Variants in KAZN observed in about 807,000 individuals in gnomAD.
KAZN encodes kazrin, periplakin interacting protein.
Under a neutral mutation model 87.4 loss-of-function variants are expected in KAZN, and 40 were observed. The observed-to-expected ratio is 0.46, with a 90% CI of 0.36 to 0.60. The LOEUF (loss-of-function observed/expected upper bound fraction) is 0.60. Ranked by LOEUF, KAZN falls within the 20% of genes least tolerant of loss-of-function variation. KAZN has a pLI of 0.00. For missense variants in KAZN, 898 were observed against 1,073.9 expected, an observed-to-expected ratio of 0.84 and a Z score of 2.29; for synonymous variants, 466 against 458.3, an observed-to-expected ratio of 1.02 and a Z score of -0.22.
At chr1:14,206,935 A>C (rs1225415997) in intron 2 of KAZN, among the ~76,000 whole-genome samples, 1 of 150,782 alleles carries the variant, frequency 6.6e-6, no homozygotes, top group Non-Finnish European at 1.5e-5. Flanking sequence ...GTGCATTTCT[A>C]CATCCTTTCT....
At chr1:14,558,079 GAA>G (rs766430539) in intron 2 of KAZN, among the ~76,000 whole-genome samples, 34 of 152,168 alleles carry the variant, frequency 2.2e-4, no homozygotes, top group Non-Finnish European at 4.1e-4. Context: ...ACATTAGAAA[GAA>G]AGAATCCCTT....
chr1:14,655,082 C>T (rs1245344012), intron 1 of KAZN, among the ~76,000 whole-genome samples: 1 of 152,168 alleles, frequency 6.6e-6, no homozygotes, highest in Non-Finnish European at 1.5e-5. Flanking sequence ...AGGTCTGGGC[C>T]AGGGGTCTGA....
At chr1:13,982,777 G>A (rs1638799294) in intron 1 of KAZN, among the ~76,000 whole-genome samples, 1 of 151,490 alleles carries the variant, frequency 6.6e-6, no homozygotes, top group South Asian at 2.1e-4. Context: ...GATACAGAGT[G>A]TCCACTGGTG....
At chr1:14,202,783 G>T (rs977902081) in intron 2 of KAZN, among the ~76,000 whole-genome samples, 7 of 152,152 alleles carry the variant, frequency 4.6e-5, no homozygotes, top group Admixed American at 3.9e-4. Context: ...CAGGGAGGCT[G>T]AGGCAGGCAG....
chr1:14,832,010 C>T (rs188118692), intron 1 of KAZN, among the ~76,000 whole-genome samples: 31 of 152,140 alleles, frequency 2.0e-4, no homozygotes, highest in Non-Finnish European at 3.8e-4. Context: ...GCCTGGCCAA[C>T]GTGGTGAAAC....
At position 14,358,952 on chromosome 1, in the gene KAZN, C is replaced by G. The variant is rs143470822; in HGVS notation, c.249+178360C>G. ...AGATGTGTATTAGGTCTGCTTGGTC[C>G]AGAGCTGAGTTCAAGTCCTGGATAT... is the stretch of plus-strand genomic sequence containing the variant. On this transcript the variant is annotated intron_variant, in intron 2 of 16. Coordinates refer to the KAZN transcript ENST00000636203. 4.9e-4 allele frequency among the ~76,000 whole-genome samples: 74 copies of G among 152,176 alleles called. 1 individual carries two copies. The East Asian group carries it at 0.012, about 25-fold the overall frequency.
chr1:14,482,098 G>A (rs7531060), intron 2 of KAZN, among the ~76,000 whole-genome samples: 24,265 of 152,130 alleles, frequency 0.16, 2,378 homozygotes, highest in East Asian at 0.43. Context: ...AGCATGCAGC[G>A]GTGAGCTGCA....
chr1:14,477,828 C>T (rs998668381), intron 2 of KAZN, among the ~76,000 whole-genome samples: 1 of 152,172 alleles, frequency 6.6e-6, no homozygotes, highest in Non-Finnish European at 1.5e-5. Context: ...CCAACGCTGC[C>T]CATTAGAAAG....
At chr1:14,387,654 G>A (rs1393072722) in intron 2 of KAZN, among the ~76,000 whole-genome samples, 1 of 152,178 alleles carries the variant, frequency 6.6e-6, no homozygotes, top group Non-Finnish European at 1.5e-5. Context: ...ACCCACTTGA[G>A]GAGGCAGTCT....
chr1:15,045,775 A>C (rs74627526), intron 4 of KAZN, among the ~76,000 whole-genome samples: 1 of 152,156 alleles, frequency 6.6e-6, no homozygotes, highest in African/African-American at 2.4e-5. Flanking sequence ...AGGAGGGAGA[A>C]TGAATGCAGA....
intron 2 of KAZN, among the ~76,000 whole-genome samples, chr1:14,344,753 G>A (rs1278737506): frequency 6.6e-6 from 1 of 152,042 alleles, no homozygotes. Context: ...ACAATTCAGG[G>A]AAAGACAAAT....
intron 2 of KAZN, among the ~76,000 whole-genome samples, chr1:14,444,942 A>T (rs1160409130): frequency 6.6e-6 from 1 of 152,068 alleles, no homozygotes; most frequent in African/African-American, 2.4e-5. Flanking sequence ...TGGTACTCAG[A>T]CTGTGAATTT....
intron 1 of KAZN, among the ~76,000 whole-genome samples, chr1:14,707,402 C>T (rs1170288680): frequency 6.6e-6 from 1 of 152,190 alleles, no homozygotes; most frequent in East Asian, 1.9e-4. Context: ...AGTATCTTCT[C>T]AAGTGTGGGA....
intron 1 of KAZN, among the ~76,000 whole-genome samples, chr1:13,984,406 C>G (rs1452396985): frequency 1.3e-5 from 2 of 152,220 alleles, no homozygotes; most frequent in African/African-American, 2.4e-5. Context: ...CAGTATTTCT[C>G]TCATATGTTG....
intron 2 of KAZN, among the ~76,000 whole-genome samples, chr1:14,326,906 C>A (rs1460686012): frequency 6.6e-6 from 1 of 152,154 alleles, no homozygotes. Flanking sequence ...CTGTCTCCCT[C>A]CCCCATCCTG....
At chr1:14,008,181 A>G (rs1179257134) in intron 1 of KAZN, among the ~76,000 whole-genome samples, 1 of 152,190 alleles carries the variant, frequency 6.6e-6, no homozygotes, top group Non-Finnish European at 1.5e-5. Context: ...TTGATCATGC[A>G]AAACCCTCCT....
At chr1:14,142,742 G>C (rs1318903432) in intron 1 of KAZN, among the ~76,000 whole-genome samples, 1 of 152,204 alleles carries the variant, frequency 6.6e-6, no homozygotes, top group Non-Finnish European at 1.5e-5. Flanking sequence ...GCTGCAGCTG[G>C]AGGGCCTCTC....
At chr1:14,155,934 G>A (rs1161261789) in intron 1 of KAZN, among the ~76,000 whole-genome samples, 1 of 152,076 alleles carries the variant, frequency 6.6e-6, no homozygotes, top group African/African-American at 2.4e-5. Flanking sequence ...ACAGGCATGA[G>A]CCCAGATATT....
chr1:14,415,430 A>G (rs1664668711), intron 2 of KAZN, among the ~76,000 whole-genome samples: 1 of 152,200 alleles, frequency 6.6e-6, no homozygotes, highest in Admixed American at 6.5e-5. Context: ...AGATGGGGCC[A>G]CTGTCCTGTC....
Sources: gnomAD v4.1 joint callset for allele counts (sites outside exome capture counted in the v4.1 genomes callset) on GRCh38, gnomAD v4.1.1 for gene constraint, MANE v1.5 for transcripts, NCBI Gene and HGNC (gene_info 2026-07-23, HGNC 2026-07-21) for gene names.